Variants in GPC5 observed in about 807,000 individuals in gnomAD.
The protein encoded by GPC5 is glypican 5.
In GPC5, 47 loss-of-function variants were observed where a neutral mutation model predicts 53.9. That is an observed-to-expected ratio of 0.87 (90% confidence interval 0.69 to 1.11). The LOEUF (loss-of-function observed/expected upper bound fraction) is 1.11, where lower values mean the gene tolerates loss of function less well. Ranked by LOEUF, GPC5 falls within the 50% of genes most tolerant of loss-of-function variation. The pLI, the probability that GPC5 is intolerant of heterozygous loss-of-function variation, is 0.00. For synonymous variants in GPC5, 286 were observed against 263.3 expected (o/e 1.09, Z -0.84); for missense variants, 748 against 713.1 (o/e 1.05, Z -0.56).
chr13:92,217,788 T>C (rs2042421412), intron 7 of GPC5, among the ~76,000 whole-genome samples: 1 of 152,172 alleles, frequency 6.6e-6, no homozygotes, highest in Non-Finnish European at 1.5e-5. Context: ...CTAGCTTCTG[T>C]TTCTGCATTC....
intron 7 of GPC5, among the ~76,000 whole-genome samples, chr13:92,628,264 C>CTTTTTTTTTTTCTTTTTTTT (rs1885116172): frequency 2.2e-5 from 1 of 45,338 alleles, no homozygotes; most frequent in Non-Finnish European, 4.3e-5. Flanking sequence ...CTTTTTCTTT[C>CTTTTTTTTTTTCTTTTTTTT]TTTTTTTTTT....
chr13:91,432,305 T>C (rs1162021102), intron 1 of GPC5, among the ~76,000 whole-genome samples: 1 of 151,916 alleles, frequency 6.6e-6, no homozygotes, highest in Non-Finnish European at 1.5e-5. Context: ...ATGTTACTTG[T>C]TGACTCCAAA....
rs536083257 is a variant in GPC5 at position 92,206,313 on chromosome 13, T to C, written c.1561+61324T>C. 2.0e-3 allele frequency among the ~76,000 whole-genome samples: 302 copies of C among 151,246 alleles called. 1 individual carries two copies. The highest frequency in any genetic ancestry group is 6.6e-3 in the African/African-American group (274 of 41,330). On this transcript the variant is annotated intron_variant, in intron 7 of 7. Transcript: ENST00000377067. ...CCGAGTAGCTGCGACTACAGGCGCC[T>C]GCCACCACGCCCGGCTAATTTTTTT...
intron 5 of GPC5, among the ~76,000 whole-genome samples, chr13:91,808,670 T>G (rs1168616626): frequency 6.6e-6 from 1 of 152,190 alleles, no homozygotes; most frequent in East Asian, 1.9e-4. Context: ...ATAATGATTC[T>G]TTGAAACCTC....
At chr13:92,594,671 C>T (rs918735928) in intron 7 of GPC5, among the ~76,000 whole-genome samples, 3 of 152,306 alleles carry the variant, frequency 2.0e-5, no homozygotes, top group African/African-American at 7.2e-5. Context: ...CAGGCTGCTT[C>T]CTGTATTTGG....
intron 7 of GPC5, among the ~76,000 whole-genome samples, chr13:92,764,465 G>T (rs1421632843): frequency 1.3e-5 from 2 of 152,214 alleles, no homozygotes; most frequent in Admixed American, 1.3e-4. Context: ...ACTCGAGGCA[G>T]CTCCCTCAAC....
rs368313194 is a variant in GPC5, at chr13:91,505,953, C to CT, written c.325+57040dup. On this transcript the variant is annotated intron_variant, in intron 2 of 7. Transcript: ENST00000377067. ...AAGTGCAATATATTATTTTATTTTG[C>CT]TTTTTTTTTGTAGAATAGGATTTAT... Among the ~76,000 whole-genome samples the CT allele has an allele frequency of 6.2e-3, 927 of 150,670 alleles. 10 individuals are homozygous for CT. The highest frequency in any genetic ancestry group is 0.019 in the African/African-American group (798 of 41,056).
At chr13:92,189,680 G>A (rs1019146209) in intron 7 of GPC5, among the ~76,000 whole-genome samples, 3 of 151,384 alleles carry the variant, frequency 2.0e-5, no homozygotes, top group African/African-American at 7.4e-5. Context: ...ATTGGGCCAG[G>A]CATTTTTTTT....
chr13:92,719,195 A>G (rs905992869), intron 7 of GPC5, among the ~76,000 whole-genome samples: 1 of 150,260 alleles, frequency 6.7e-6, no homozygotes. Flanking sequence ...ATTTTGTACC[A>G]AGAGGGTAAA....
chr13:92,713,232 A>G (rs1428966057), intron 7 of GPC5, among the ~76,000 whole-genome samples: 1 of 152,054 alleles, frequency 6.6e-6, no homozygotes, highest in Non-Finnish European at 1.5e-5. Context: ...CCAGTGAGAT[A>G]ATGGGCAAAA....
At chr13:91,795,705 G>A (rs1443045081) in intron 5 of GPC5, among the ~76,000 whole-genome samples, 1 of 152,094 alleles carries the variant, frequency 6.6e-6, no homozygotes, top group African/African-American at 2.4e-5. Flanking sequence ...TGAATGAGGT[G>A]CTAACCCTGC....
At chr13:91,614,150 C>T (rs550348905) in intron 2 of GPC5, among the ~76,000 whole-genome samples, 173 of 152,230 alleles carry the variant, frequency 1.1e-3, no homozygotes, top group African/African-American at 3.8e-3. Flanking sequence ...GTTTGAGAGT[C>T]GAGTGGGAGA....
chr13:92,280,320 G>A (rs1043644913), intron 7 of GPC5, among the ~76,000 whole-genome samples: 3 of 152,084 alleles, frequency 2.0e-5, no homozygotes, highest in African/African-American at 7.2e-5. Flanking sequence ...GGTTTTGTAT[G>A]TAGCCTCTAT....
chr13:92,105,748 A>G (rs1308688837), intron 6 of GPC5, among the ~76,000 whole-genome samples: 17 of 152,154 alleles, frequency 1.1e-4, no homozygotes, highest in Non-Finnish European at 1.8e-4. Context: ...TGCTCAACAT[A>G]TATTTACAAA....
chr13:91,931,660 T>A lies in GPC5; in HGVS notation c.1401+23603T>A, dbSNP rs16946893. Among the ~76,000 whole-genome samples, 1,345 of 152,050 alleles carry A rather than the reference T, an allele frequency of 8.8e-3. 23 individuals are homozygous for A. Among genetic ancestry groups the A allele is most frequent in the African/African-American group, 0.031 (1,290 of 41,504 alleles). The stretch of plus-strand genomic sequence containing the variant: ...AAGTTGAATGTCAGTCAGAATAAAC[T>A]CCTCTATCCTTAACCTATGACACGC... On this transcript the variant is annotated intron_variant, in intron 6 of 7. Coordinates refer to ENST00000377067, the MANE Select transcript of GPC5 (RefSeq NM_004466.6).
intron 7 of GPC5, among the ~76,000 whole-genome samples, chr13:92,444,013 T>C (rs1003776896): frequency 1.3e-5 from 2 of 152,182 alleles, no homozygotes; most frequent in Admixed American, 6.6e-5. Context: ...GAATGTAGGA[T>C]TGCCAATTTT....
intron 6 of GPC5, among the ~76,000 whole-genome samples, chr13:92,013,200 C>T (rs1403040301): frequency 2.0e-5 from 3 of 152,128 alleles, no homozygotes; most frequent in African/African-American, 7.2e-5. Flanking sequence ...GTCCAGCATC[C>T]AAAAAGAATG....
intron 2 of GPC5, among the ~76,000 whole-genome samples, chr13:91,575,610 A>C (rs778482402): frequency 7.2e-5 from 11 of 152,082 alleles, no homozygotes; most frequent in Non-Finnish European, 1.5e-4. Flanking sequence ...AGTTTTACTG[A>C]TGCTGTATGA....
At chr13:92,381,875 TA>T (rs2043744959) in intron 7 of GPC5, among the ~76,000 whole-genome samples, 2 of 98,980 alleles carry the variant, frequency 2.0e-5, no homozygotes, top group African/African-American at 7.6e-5. Context: ...ATATCATATA[TA>T]TGATTATATA....
Sources: gnomAD v4.1 joint callset for allele counts (sites outside exome capture counted in the v4.1 genomes callset) on GRCh38, gnomAD v4.1.1 for gene constraint, MANE v1.5 for transcripts, NCBI Gene and HGNC (gene_info 2026-07-23, HGNC 2026-07-21) for gene names.